ATP1B4: variants seen among roughly 807,000 people sequenced by gnomAD.
ATP1B4 encodes protein ATP1B4.
In ATP1B4, 32 loss-of-function variants were observed where a neutral mutation model predicts 29.6. The ratio of observed to expected loss-of-function variants is 1.08; its 90% confidence interval spans 0.82 to 1.45. The LOEUF is 1.45. ATP1B4 is among the 40% of genes most tolerant of loss of function. The probability of loss-of-function intolerance (pLI) is 0.00; values close to 1 mark genes in which losing one functional copy is unlikely to be tolerated. For synonymous variants in ATP1B4, 127 were observed against 102.1 expected (o/e 1.24, Z -1.47); for missense variants, 323 against 276.2 (o/e 1.17, Z -1.20).
chrX:120,375,456 A>G lies in ATP1B4; in HGVS notation c.647A>G (p.Asp216Gly), dbSNP rs1291744776. 8.3e-7 allele frequency: 1 copy of G among 1,208,947 alleles called. No homozygotes were observed. Among genetic ancestry groups the G allele is most frequent in the Non-Finnish European group, 1.1e-6 (1 of 894,568 alleles). Residue 216 changes from aspartate to glycine, a missense_variant, in exon 5 of 8, where the codon GAC becomes GGC. By Grantham distance (94) the Asp-to-Gly change is moderately conservative (BLOSUM62 -1). Transcript: ENST00000218008. ...YFIQDGNEDE[D>G]KKACQFKRSF... is the part of the protein sequence containing the mutation. The stretch of plus-strand genomic sequence containing the variant: ...ATCCAAGATGGCAATGAGGATGAGG[A>G]CAAGAAGGCCTGCCAATTTAAGCGC...
chrX:120,378,296 G>A (rs2058366262), intron 6 of ATP1B4, among the ~76,000 whole-genome samples: 1 of 111,526 alleles, frequency 9.0e-6, no homozygotes, highest in Admixed American at 9.5e-5. Context: ...TGGGTGCCAG[G>A]CCCAGTGTGG....
At chrX:120,376,163 G>A (rs1050060943) in intron 5 of ATP1B4, among the ~76,000 whole-genome samples, 7 of 111,285 alleles carry the variant, frequency 6.3e-5, no homozygotes, top group African/African-American at 2.3e-4. Context: ...CCCCTTGTGT[G>A]TAAATACCAG....
At chrX:120,373,895 C>A (rs752584825) in intron 4 of ATP1B4, among the ~76,000 whole-genome samples, 8 of 110,186 alleles carry the variant, frequency 7.3e-5, no homozygotes, top group Non-Finnish European at 1.5e-4. Flanking sequence ...TATTCCCTCC[C>A]CCGCCTCCTC....
intron 3 of ATP1B4, 114 bp from the exon 4 acceptor site, chrX:120,370,992 A>G: frequency 9.7e-7 from 1 of 1,030,862 alleles, no homozygotes; most frequent in Non-Finnish European, 1.3e-6. Context: ...GTACTTGGCA[A>G]ATTATGGTTC....
Position 120,375,480 on chromosome X carries a change from G to T in ATP1B4, c.671G>T (p.Arg224Leu). Residue 224 changes from arginine (R) to leucine (L), a missense_variant, in exon 5 of 8, where the codon CGC (arginine) becomes CTC (leucine). Transcript: ENST00000218008. ...DEDKKACQFK[R>L]SFLKNCSGLE... ...GACAAGAAGGCCTGCCAATTTAAGC[G>T]CTCCTTCCTAAAGAACTGCTCTGGT... 1 of 1,210,907 alleles carries T rather than the reference G, an allele frequency of 8.3e-7. No homozygotes were observed. Among genetic ancestry groups the T allele is most frequent in the Non-Finnish European group, 1.1e-6 (1 of 894,999 alleles).
intron 1 of ATP1B4, among the ~76,000 whole-genome samples, chrX:120,366,054 A>T (rs1256395260): frequency 1.8e-5 from 2 of 112,070 alleles, no homozygotes; most frequent in Non-Finnish European, 3.8e-5. Flanking sequence ...TTTTAGACAC[A>T]ACTTGAAATG....
intron 1 of ATP1B4, among the ~76,000 whole-genome samples, chrX:120,362,969 A>G (rs1196638596): frequency 1.8e-5 from 2 of 112,971 alleles, no homozygotes; most frequent in Non-Finnish European, 3.7e-5. Flanking sequence ...AGACACACAT[A>G]CATTCTTTTG....
chrX:120,378,667 T>C lies in ATP1B4; in HGVS notation c.817-11T>C. On this transcript the variant is annotated splice_polypyrimidine_tract_variant and intron_variant, in intron 6 of 7. Coordinates refer to ENST00000218008, the MANE Select transcript of ATP1B4 (RefSeq NM_001142447.3). The stretch of plus-strand genomic sequence containing the variant: ...ACCCAGCACCCCACATATACCTGCT[T>C]TTGCTTACAGAGAGGTGATGAAAAT... The C allele has an allele frequency of 8.3e-7, 1 of 1,205,350 alleles. No homozygotes were observed. Among genetic ancestry groups the C allele is most frequent in the Non-Finnish European group, 1.1e-6 (1 of 890,095 alleles).
At position 120,375,442 on chromosome X, in the gene ATP1B4, C is replaced by T; in HGVS notation, c.633C>T (p.Gly211=). Reference sequence around the variant, plus strand: ...CGGGGCAGTACTTCATCCAAGATGGCAATGAGGATGAGGACAAGAAGGCCT... The same window carrying T: ...CGGGGCAGTACTTCATCCAAGATGGTAATGAGGATGAGGACAAGAAGGCCT... ...CPPGQYFIQD[G]NEDEDKKACQ... The change falls in exon 5 of 8, where the codon GGC becomes GGT. Residue 211 remains glycine, a synonymous_variant. Transcript: ENST00000218008. 1 of 1,210,757 alleles carries T rather than the reference C, an allele frequency of 8.3e-7. No individual in the cohort carries two copies.
At chrX:120,369,834 C>T (rs1407031065) in intron 2 of ATP1B4, among the ~76,000 whole-genome samples, 1 of 112,023 alleles carries the variant, frequency 8.9e-6, no homozygotes, top group Non-Finnish European at 1.9e-5. Flanking sequence ...TTAGTCAATG[C>T]TAAGAAGTAA....
rs2058377126 is a variant in ATP1B4, at chrX:120,380,577, T to G, written c.*943T>G. ...GCAAACATTCCTGCAAACAGGTTTT[T>G]CTCAGCTTCAGGCAGAGGAGACAAC... On this transcript the variant is annotated 3_prime_UTR_variant, in exon 8 of 8. Coordinates refer to ENST00000218008, the MANE Select transcript of ATP1B4 (RefSeq NM_001142447.3). 1 of 112,125 alleles carries G rather than the reference T, an allele frequency of 8.9e-6. No homozygotes were observed. 9.2% of individuals were successfully genotyped at this position (112,125 alleles called of 1,213,427 possible).
At position 120,378,852 on chromosome X, in the gene ATP1B4, T is replaced by C. The variant is rs2058369089; in HGVS notation, c.912+79T>C. Reference sequence around the variant, plus strand: ...AAGAGCTGGCTGGGATCTATGAGAATTAGGGAGCAGGAGATAGTAGAGGGG... The same window carrying C: ...AAGAGCTGGCTGGGATCTATGAGAACTAGGGAGCAGGAGATAGTAGAGGGG... On this transcript the variant is annotated intron_variant, in intron 7 of 7. Transcript: ENST00000218008. The C allele has an allele frequency of 9.8e-6, 9 of 917,971 alleles. No homozygotes were observed. The Admixed American group carries it at 2.0e-4, about 21-fold the overall frequency. The allele number at this position is 917,971 out of a possible 1,213,427, so 75.7% of individuals were successfully genotyped here. A position where few individuals can be genotyped will look rare whatever the true frequency, so the allele number is the denominator to read the frequency against.
chrX:120,376,277 T>C, intron 5 of ATP1B4, 103 bp from the exon 6 acceptor site: 1 of 749,579 alleles, frequency 1.3e-6, no homozygotes, highest in Non-Finnish European at 2.0e-6. Context: ...ATGAAGCATA[T>C]GCCTGAGGAA....
chrX:120,375,710 A>C (rs2147256057), intron 5 of ATP1B4, 142 bp downstream of exon 5: 2 of 461,135 alleles, frequency 4.3e-6, no homozygotes, highest in East Asian at 7.9e-5. Context: ...ACAAATAACC[A>C]GATAAACCTA....
rs2058375347 is a variant in ATP1B4 at position 120,380,133 on chromosome X, G to A, written c.*499G>A. The A allele has an allele frequency of 9.0e-6, 1 of 111,101 alleles. No homozygotes were observed. The highest frequency in any genetic ancestry group is 1.9e-5 in the Non-Finnish European group (1 of 53,253). The allele number at this position is 111,101 out of a possible 1,213,427, so 9.2% of individuals were successfully genotyped here. On this transcript the variant is annotated 3_prime_UTR_variant, in exon 8 of 8. Coordinates refer to ENST00000218008, the MANE Select transcript of ATP1B4 (RefSeq NM_001142447.3). ...TAGTCCCACCTATTCAGGAGATTAA[G>A]GCAGGAGGATCACTTGAGCCCAGGA... is the stretch of plus-strand genomic sequence containing the variant.
chrX:120,372,064 G>C (rs989217286), intron 4 of ATP1B4, among the ~76,000 whole-genome samples: 1 of 112,428 alleles, frequency 8.9e-6, no homozygotes, highest in Non-Finnish European at 1.9e-5. Flanking sequence ...TTTTCGAGGT[G>C]CCTATCTCTA....
chrX:120,374,086 T>C (rs1443399499), intron 4 of ATP1B4, among the ~76,000 whole-genome samples: 1 of 111,122 alleles, frequency 9.0e-6, no homozygotes, highest in Non-Finnish European at 1.9e-5. Flanking sequence ...AAGACAGGGG[T>C]ATTGCAATAG....
rs2058374818 is a variant in ATP1B4 at position 120,379,991 on chromosome X, C to A, written c.*357C>A. On this transcript the variant is annotated 3_prime_UTR_variant, in exon 8 of 8. Coordinates refer to ENST00000218008, the MANE Select transcript of ATP1B4 (RefSeq NM_001142447.3). Reference sequence around the variant, plus strand: ...AGAATTTCTATTATGATTATAAATTCATCATGTTTTCTAAAATTCTGTTGG... The same window carrying A: ...AGAATTTCTATTATGATTATAAATTAATCATGTTTTCTAAAATTCTGTTGG... The A allele has an allele frequency of 7.9e-6, 1 of 127,007 alleles. No homozygotes were observed. The highest frequency in any genetic ancestry group is 1.6e-5 in the Non-Finnish European group (1 of 63,689). 10.5% of individuals were successfully genotyped at this position (127,007 alleles called of 1,213,427 possible).
intron 2 of ATP1B4, among the ~76,000 whole-genome samples, chrX:120,368,926 A>G (rs916687677): frequency 9.0e-6 from 1 of 111,226 alleles, no homozygotes; most frequent in African/African-American, 3.3e-5. Context: ...GCTTGGTTTT[A>G]CCTGGGGGTG....
Sources: allele counts gnomAD v4.1 joint callset (sites outside exome capture counted in the v4.1 genomes callset), GRCh38; gene constraint gnomAD v4.1.1; transcripts MANE v1.5; gene names NCBI Gene and HGNC (gene_info 2026-07-23, HGNC 2026-07-21).